The following NINJ2 variants were observed in gnomAD, a reference collection of about 807,000 sequenced individuals.
NINJ2 encodes the protein ninjurin-2.
A neutral mutation model predicts 11.7 loss-of-function variants in NINJ2; 12 were observed. The observed-to-expected ratio is 1.02, with a 90% CI of 0.66 to 1.66. The LOEUF is 1.66. Ranked by LOEUF, NINJ2 falls within the 40% of genes most tolerant of loss-of-function variation. The pLI is 0.00. For synonymous variants in NINJ2, 93 were observed against 76.8 expected, an observed-to-expected ratio of 1.21 and a Z score of -1.10; for missense variants, 187 against 181.8, an observed-to-expected ratio of 1.03 and a Z score of -0.16.
chr12:638,326 T>G (rs1303253684), intron 1 of NINJ2, among the ~76,000 whole-genome samples: 1 of 152,246 alleles, frequency 6.6e-6, no homozygotes, highest in Non-Finnish European at 1.5e-5. Flanking sequence ...GGCCCATCGC[T>G]CCAATATATG....
chr12:627,600 G>A (rs370672311), intron 1 of NINJ2, among the ~76,000 whole-genome samples: 4 of 152,222 alleles, frequency 2.6e-5, no homozygotes, highest in Non-Finnish European at 5.9e-5. Context: ...TGAGAGGCAG[G>A]GGCAGACTTC....
intron 1 of NINJ2, among the ~76,000 whole-genome samples, chr12:597,802 C>T (rs1292327971): frequency 2.0e-5 from 3 of 152,200 alleles, no homozygotes; most frequent in African/African-American, 4.8e-5. Context: ...GCCTGCACCT[C>T]GGCAGTGCAG....
chr12:565,746 G>A, intron 2 of NINJ2: 1 of 657,006 alleles, frequency 1.5e-6, no homozygotes, highest in Non-Finnish European at 2.8e-6. Flanking sequence ...TGCTCCATGG[G>A]ATACCAGGAG....
chr12:626,280 A>G (rs997451610), intron 1 of NINJ2, among the ~76,000 whole-genome samples: 4 of 152,204 alleles, frequency 2.6e-5, no homozygotes, highest in African/African-American at 9.6e-5. Context: ...CCCTCCTAAT[A>G]TCTGCTGGCT....
At chr12:625,841 A>C (rs1055368752) in intron 1 of NINJ2, among the ~76,000 whole-genome samples, 9 of 152,240 alleles carry the variant, frequency 5.9e-5, no homozygotes, top group African/African-American at 2.2e-4. Flanking sequence ...TAAATGGTTG[A>C]TAGGATAATC....
At position 572,725 on chromosome 12, in the gene NINJ2, G is replaced by T. The variant is rs548205553; in HGVS notation, c.34-6547C>A. ...CTTATGTAGTCCTCACAACAGTTCTGCGAAGTAGATGAGGGCATCATCATC... is the reference window on the plus strand; with the variant it reads ...CTTATGTAGTCCTCACAACAGTTCTTCGAAGTAGATGAGGGCATCATCATC... On this transcript the variant is annotated intron_variant, in intron 1 of 3. Transcript: ENST00000305108. Among the ~76,000 whole-genome samples, 93 of 152,286 alleles carry T rather than the reference G, an allele frequency of 6.1e-4. 2 individuals carry two copies. The South Asian group carries it at 0.019, about 31-fold the overall frequency.
At chr12:636,117 C>A (rs1251930058) in intron 1 of NINJ2, among the ~76,000 whole-genome samples, 2 of 152,102 alleles carry the variant, frequency 1.3e-5, no homozygotes, top group Non-Finnish European at 1.5e-5. Flanking sequence ...TGGCTTACGC[C>A]TGTAATCCTA....
chr12:565,773 G>C (rs1456437818), intron 2 of NINJ2, 177 bp downstream of exon 2: 1 of 687,784 alleles, frequency 1.5e-6, no homozygotes, highest in East Asian at 2.7e-5. Flanking sequence ...CAGGGCGCCT[G>C]CCCTCGCGGG....
chr12:603,837 T>C (rs962887138), intron 1 of NINJ2, among the ~76,000 whole-genome samples: 2 of 152,118 alleles, frequency 1.3e-5, no homozygotes, highest in African/African-American at 2.4e-5. Context: ...ATTTTTGTAT[T>C]TTTAATAGAG....
chr12:618,195 G>A (rs1159115970), intron 1 of NINJ2, among the ~76,000 whole-genome samples: 3 of 149,328 alleles, frequency 2.0e-5, no homozygotes, highest in African/African-American at 5.0e-5. Context: ...TAAAAGTCCC[G>A]TGGAGAGTTG....
rs139343732 is a variant in NINJ2 at position 565,246 on chromosome 12, T to A, written c.418A>T (p.Asn140Tyr). The A allele has an allele frequency of 1.2e-5, 19 of 1,613,570 alleles. No homozygotes were observed. Among genetic ancestry groups the A allele is most frequent in the African/African-American group, 5.3e-5 (4 of 74,914 alleles). Residue 140 changes from asparagine to tyrosine, a missense_variant, in exon 3 of 4, where the codon AAT becomes TAT. Transcript: ENST00000305108. The part of the protein sequence containing the change: ...TGFLAARASR[N>Y]PL The stretch of plus-strand genomic sequence containing the variant: ...GTCCCAGGCTGCATTCAGAGAGGAT[T>A]CCTTGAGGCCCTGGCAGCCAGGAAC...
intron 1 of NINJ2, among the ~76,000 whole-genome samples, chr12:634,391 C>T (rs1170305742): frequency 2.7e-5 from 4 of 148,830 alleles, no homozygotes; most frequent in African/African-American, 9.9e-5. Flanking sequence ...CCCCTAGTAG[C>T]TGGGATTACT....
rs1408102807 is a variant in NINJ2 at position 640,664 on chromosome 12, T to C, written c.33+22664A>G. ...CTCAGCATCCCAAGTAGGGCTAATA[T>C]CTGTATTTTTAGTAGAGACCCTGTC... On this transcript the variant is annotated intron_variant, in intron 1 of 3. Coordinates refer to ENST00000305108, the MANE Select transcript of NINJ2 (RefSeq NM_016533.6). The surrounding 1 kb of genome is among the most constrained non-coding windows in gnomAD (Gnocchi z 4.0). Among the ~76,000 whole-genome samples, 2 of 152,114 alleles carry C rather than the reference T, an allele frequency of 1.3e-5. No homozygotes were observed. Among genetic ancestry groups the C allele is most frequent in the East Asian group, 3.9e-4 (2 of 5,178 alleles).
chr12:644,642 T>G (rs993422923), intron 1 of NINJ2: 1 of 152,158 alleles, frequency 6.6e-6, no homozygotes, highest in South Asian at 2.1e-4. Flanking sequence ...AGCACAGTAC[T>G]TGGGGCTATG....
rs373718724 is a variant in NINJ2, at chr12:662,696, A to G, written c.33+632T>C. Among the ~76,000 whole-genome samples the G allele has an allele frequency of 2.6e-5, 4 of 152,170 alleles. No individual in the cohort carries two copies. The East Asian group carries it at 5.8e-4, about 22-fold the overall frequency. On this transcript the variant is annotated intron_variant, in intron 1 of 3. Transcript: ENST00000305108. ...AATCTGGCTCTCCTCTCACCGTAAC[A>G]TCCCACCCTTTCCCCTCCAGCAGTG...
intron 1 of NINJ2, among the ~76,000 whole-genome samples, chr12:597,738 G>A (rs903181531): frequency 5.3e-5 from 8 of 152,234 alleles, no homozygotes; most frequent in African/African-American, 1.4e-4. Flanking sequence ...AAGAAGAGGC[G>A]AATGTATTAG....
rs1947531852 is a variant in NINJ2 at position 580,509 on chromosome 12, A to T, written c.34-14331T>A. 6.6e-6 allele frequency among the ~76,000 whole-genome samples: 1 copy of T among 151,762 alleles called. No individual in the cohort carries two copies. Among genetic ancestry groups the T allele is most frequent in the South Asian group, 2.1e-4 (1 of 4,796 alleles). On this transcript the variant is annotated intron_variant, in intron 1 of 3. Transcript: ENST00000305108. This position sits in a 1 kb window ranked among gnomAD's most constrained non-coding sequence, Gnocchi z 4.7. ...AGGCTGAGGCAGGAGAATCACTTGA[A>T]CCTGGAGGCAAAGGTTGCAGGGAGA...
intron 1 of NINJ2, chr12:644,795 G>T (rs1251142428): frequency 6.6e-6 from 1 of 152,178 alleles, no homozygotes; most frequent in Non-Finnish European, 1.5e-5. Context: ...TTCATATTTA[G>T]TAAGCGATAC....
intron 1 of NINJ2, among the ~76,000 whole-genome samples, chr12:629,530 C>A (rs1387847658): frequency 1.3e-5 from 2 of 152,166 alleles, no homozygotes; most frequent in African/African-American, 4.8e-5. Flanking sequence ...AGCCTGTGGG[C>A]CCCGTGCAGC....
Sources: allele counts gnomAD v4.1 joint callset (sites outside exome capture counted in the v4.1 genomes callset), GRCh38; gene constraint gnomAD v4.1.1; non-coding constraint Gnocchi (gnomAD v3.1); transcripts MANE v1.5; gene names NCBI Gene and HGNC (gene_info 2026-07-23, HGNC 2026-07-21).